The following PLCD4 variants were observed in gnomAD, a reference collection of about 807,000 sequenced individuals.
PLCD4 encodes the protein 1-phosphatidylinositol 4,5-bisphosphate phosphodiesterase delta-4.
A neutral mutation model predicts 90.2 loss-of-function variants in PLCD4; 63 were observed. The observed-to-expected ratio is 0.70, with a 90% CI of 0.57 to 0.86. The LOEUF (loss-of-function observed/expected upper bound fraction) is 0.86, where lower values mean the gene tolerates loss of function less well. Ranked by LOEUF, PLCD4 falls within the 40% of genes least tolerant of loss-of-function variation. PLCD4 has a pLI of 0.00. For synonymous variants in PLCD4, 294 were observed against 356.5 expected (o/e 0.82, Z 1.97); for missense variants, 830 against 956.3 (o/e 0.87, Z 1.74).
In PLCD4 at chr2:218,634,100, T is replaced by C. The variant is rs1436281346; in HGVS notation, c.1607-5T>C. The C allele has an allele frequency of 1.2e-6, 2 of 1,605,526 alleles. No homozygotes were observed. The highest frequency in any genetic ancestry group is 1.1e-5 in the South Asian group (1 of 89,438). On this transcript the variant is annotated splice_region_variant and splice_polypyrimidine_tract_variant and intron_variant, in intron 11 of 15. Transcript: ENST00000450993. This position sits in a 1 kb window ranked among gnomAD's most constrained non-coding sequence, Gnocchi z 4.0. ...TTCCATCTCCCTCTCTATACCCTTT[T>C]ACAGGCAATGAGTTTGTGCAGCACA...
intron 6 of PLCD4, among the ~76,000 whole-genome samples, chr2:218,624,621 G>A (rs1055096983): frequency 7.9e-5 from 12 of 151,392 alleles, no homozygotes; most frequent in Admixed American, 7.9e-4. Flanking sequence ...TAAGGAGGCT[G>A]AGGCATAAGA....
At chr2:218,619,829 T>C (rs1029298701) in intron 4 of PLCD4, among the ~76,000 whole-genome samples, 1 of 152,160 alleles carries the variant, frequency 6.6e-6, no homozygotes, top group Non-Finnish European at 1.5e-5. Context: ...ATAATTTCTA[T>C]AGTTCATTAC....
At chr2:218,623,907 T>C (rs1298895233) in intron 6 of PLCD4, among the ~76,000 whole-genome samples, 11 of 152,188 alleles carry the variant, frequency 7.2e-5, no homozygotes, top group Admixed American at 6.5e-4. Context: ...GGTCTCGAAC[T>C]CCCGACCTCA....
rs1490635323 is a variant in PLCD4, at chr2:218,631,121, C to T, written c.1272+319C>T. On this transcript the variant is annotated intron_variant, in intron 9 of 15. Transcript: ENST00000450993. Reference sequence around the variant, plus strand: ...ACAATATAAAGGGAAATCTCCCCTCCTATCATAATCCCAACCTCTCCCATA... The same window carrying T: ...ACAATATAAAGGGAAATCTCCCCTCTTATCATAATCCCAACCTCTCCCATA... 1.3e-5 allele frequency among the ~76,000 whole-genome samples: 2 copies of T among 152,132 alleles called. 1 individual carries two copies. Among genetic ancestry groups the T allele is most frequent in the East Asian group, 3.9e-4 (2 of 5,190 alleles).
rs1162050969 is a variant in PLCD4 at position 218,629,592 on chromosome 2, C to T, written c.1048C>T (p.His350Tyr). ...ACCTAGCGGGGAACCTGTCGTTTAC[C>T]ACGGACACACCCTGACCTCCCGCAT... is the stretch of plus-strand genomic sequence containing the variant. ...DGPSGEPVVY[H>Y]GHTLTSRILF... Residue 350 changes from histidine to tyrosine, a missense_variant, in exon 8 of 16, where the codon CAC becomes TAC. Physicochemically the swap from His to Tyr is moderately conservative, Grantham distance 83. Coordinates refer to ENST00000450993, the MANE Select transcript of PLCD4 (RefSeq NM_032726.4). 4 of 1,613,512 alleles carry T rather than the reference C, an allele frequency of 2.5e-6. No homozygotes were observed. The highest frequency in any genetic ancestry group is 3.4e-6 in the Non-Finnish European group (4 of 1,179,816).
intron 6 of PLCD4, 141 bp downstream of exon 6, chr2:218,623,019 T>A: frequency 1.4e-6 from 1 of 726,800 alleles, no homozygotes; most frequent in Non-Finnish European, 2.3e-6. Context: ...TCATCTCATT[T>A]AACCACTCCT....
In PLCD4 at chr2:218,634,419, A is replaced by G. The variant is rs1034856212; in HGVS notation, c.1724-39A>G. 6.3e-6 allele frequency: 10 copies of G among 1,597,754 alleles called. No homozygotes were observed. The highest frequency in any genetic ancestry group is 8.5e-6 in the Non-Finnish European group (10 of 1,171,536). On this transcript the variant is annotated intron_variant, in intron 12 of 15. Coordinates refer to ENST00000450993, the MANE Select transcript of PLCD4 (RefSeq NM_032726.4). This position sits in a 1 kb window ranked among gnomAD's most constrained non-coding sequence, Gnocchi z 4.0. ...CTGAAAGAGGGGCTGGAAGGCCTCC[A>G]TGGTGAATCTTGCTCTTCTTTTCTC...
chr2:218,618,759 T>C lies in PLCD4; in HGVS notation c.362T>C (p.Leu121Pro). The C allele has an allele frequency of 2.5e-6, 4 of 1,607,158 alleles. No individual in the cohort carries two copies. Among genetic ancestry groups the C allele is most frequent in the East Asian group, 2.2e-5 (1 of 44,660 alleles). Reference protein sequence around the residue: ...EAQIWMRGLQLLVDLVTSMDH... With the variant: ...EAQIWMRGLQPLVDLVTSMDH... ...CAGATATGGATGCGAGGGCTCCAGC[T>C]GTTGGTGGATCTTGTCACCAGCATG... The change falls in exon 4 of 16, where the codon CTG (leucine) becomes CCG (proline). Residue 121 changes from leucine (L) to proline (P), a missense_variant. Physicochemically the swap from Leu to Pro is moderately conservative, Grantham distance 98. Coordinates refer to ENST00000450993, the MANE Select transcript of PLCD4 (RefSeq NM_032726.4).
At chr2:218,629,465 A>G in intron 7 of PLCD4, 54 bp from the exon 8 acceptor site, 2 of 1,594,130 alleles carry the variant, frequency 1.3e-6, no homozygotes, top group Non-Finnish European at 1.7e-6. Context: ...GTCCCTAGGT[A>G]GAAGATCAGA....
chr2:218,623,464 G>T (rs991010107), intron 6 of PLCD4, among the ~76,000 whole-genome samples: 1 of 152,270 alleles, frequency 6.6e-6, no homozygotes, highest in Middle Eastern at 3.4e-3. Context: ...GTTCTTCAAA[G>T]TTTCTTCCTC....
In PLCD4 at chr2:218,626,054, G is replaced by T. The variant is rs181620066; in HGVS notation, c.773-1975G>T. 1.7e-4 allele frequency among the ~76,000 whole-genome samples: 26 copies of T among 152,108 alleles called. No homozygotes were observed. In the East Asian group the frequency reaches 3.1e-3, roughly 18 times the overall value. The stretch of plus-strand genomic sequence containing the variant: ...GGACTGCTTGAGTTCAGGAGTTCAA[G>T]ACCAGCCTGGGCAACACAGTGAGAC... On this transcript the variant is annotated intron_variant, in intron 6 of 15. Coordinates refer to ENST00000450993, the MANE Select transcript of PLCD4 (RefSeq NM_032726.4).
chr2:218,625,417 A>C (rs1395923853), intron 6 of PLCD4, among the ~76,000 whole-genome samples: 1 of 152,176 alleles, frequency 6.6e-6, no homozygotes, highest in Non-Finnish European at 1.5e-5. Flanking sequence ...CTTCCCTTGA[A>C]CTTGACAATC....
rs757471919 is a variant in PLCD4, at chr2:218,633,609, C to A, written c.1454C>A (p.Ser485Tyr). 1.1e-5 allele frequency: 17 copies of A among 1,613,280 alleles called. No individual in the cohort carries two copies. Among genetic ancestry groups the A allele is most frequent in the Non-Finnish European group, 1.4e-5 (17 of 1,179,360 alleles). ...CTTCTTTTCCACCTTCTCCAGAAAT[C>A]CAAGCCCATCTTGTGTCCAGCCCTC... ...NLQNKDKKKK[S>Y]KPILCPALSS... Residue 485 changes from serine (S) to tyrosine (Y), a missense_variant, in exon 11 of 16, where the codon TCC becomes TAC. Ser to Tyr is a moderately radical substitution (Grantham distance 144). Transcript: ENST00000450993.
In PLCD4 at chr2:218,618,637, C is replaced by G. The variant is rs1319429692; in HGVS notation, c.240C>G (p.Ser80Arg). ...GCCATGATTCCGAGTTGCTGCGTAG[C>G]CTGGCAGAGGAGCTCCCCCTGGAGC... ...RNGHDSELLR[S>R]LAEELPLEQG... Residue 80 changes from serine (S) to arginine (R), a missense_variant, in exon 4 of 16, where the codon AGC becomes AGG. Coordinates refer to ENST00000450993, the MANE Select transcript of PLCD4 (RefSeq NM_032726.4). 1 of 1,614,060 alleles carries G rather than the reference C, an allele frequency of 6.2e-7. No individual in the cohort carries two copies. The highest frequency in any genetic ancestry group is 8.5e-7 in the Non-Finnish European group (1 of 1,179,910).
Position 218,630,685 on chromosome 2 carries a change from C to A in PLCD4, c.1155C>A (p.Thr385=). 1.2e-6 allele frequency: 2 copies of A among 1,614,030 alleles called. No individual in the cohort carries two copies. The highest frequency in any genetic ancestry group is 1.7e-6 in the Non-Finnish European group (2 of 1,179,888). ...ACCCAGTCATCTTGTCCCTGGAGACCCACTGCAGCTGGGAGCAGCAGCAGA... is the reference window on the plus strand; with the variant it reads ...ACCCAGTCATCTTGTCCCTGGAGACACACTGCAGCTGGGAGCAGCAGCAGA... ...SDYPVILSLE[T]HCSWEQQQTM... is the part of the protein sequence containing the mutation. The change falls in exon 9 of 16, where the codon ACC becomes ACA. Residue 385 remains threonine, a synonymous_variant. Coordinates refer to ENST00000450993, the MANE Select transcript of PLCD4 (RefSeq NM_032726.4).
rs370198136 is a variant in PLCD4 at position 218,634,594 on chromosome 2, C to T, written c.1860C>T (p.Pro620=). 6.8e-6 allele frequency: 11 copies of T among 1,613,898 alleles called. No homozygotes were observed. The highest frequency in any genetic ancestry group is 1.7e-5 in the Admixed American group (1 of 60,002). Residue 620 remains proline, a synonymous_variant, in exon 13 of 16, where the codon CCC becomes CCT. Transcript: ENST00000450993. The surrounding 1 kb of genome is among the most constrained non-coding windows in gnomAD (Gnocchi z 4.0). ...AGAGTTCTTTCCACCCTGAGAAGCC[C>T]ATCAGCCCTTTCAAAGCCCAGACTC... The part of the protein sequence containing the change: ...DIQSSFHPEK[P]ISPFKAQTLL...
At chr2:218,623,783 A>G (rs1312509257) in intron 6 of PLCD4, among the ~76,000 whole-genome samples, 1 of 152,204 alleles carries the variant, frequency 6.6e-6, no homozygotes, top group Non-Finnish European at 1.5e-5. Flanking sequence ...CCCGGGTTCA[A>G]GCAATTCTCC....
chr2:218,609,340 T>C (rs780416716), intron 1 of PLCD4: 3 of 152,156 alleles, frequency 2.0e-5, no homozygotes, highest in Non-Finnish European at 4.4e-5. Flanking sequence ...GTGCCATTGG[T>C]AACTCTGCCA....
At chr2:218,635,970 C>T (rs780322940) in intron 14 of PLCD4, 39 bp downstream of exon 14, 2 of 1,613,226 alleles carry the variant, frequency 1.2e-6, no homozygotes, top group South Asian at 1.1e-5. Flanking sequence ...GGGGTAGGAG[C>T]ATGATTAGTT....
Sources: allele counts gnomAD v4.1 joint callset (sites outside exome capture counted in the v4.1 genomes callset), GRCh38; gene constraint gnomAD v4.1.1; non-coding constraint Gnocchi (gnomAD v3.1); transcripts MANE v1.5; gene names NCBI Gene and HGNC (gene_info 2026-07-23, HGNC 2026-07-21).